The following PPARGC1B variants were observed in gnomAD, a reference collection of about 807,000 sequenced individuals.
The protein encoded by PPARGC1B is peroxisome proliferator-activated receptor gamma coactivator 1-beta.
Under a neutral mutation model 101.6 loss-of-function variants are expected in PPARGC1B, and 34 were observed. The observed-to-expected ratio is 0.33, with a 90% CI of 0.25 to 0.45. The LOEUF is 0.45. PPARGC1B is among the 20% of genes least tolerant of loss of function. PPARGC1B has a pLI of 1.00. For missense variants in PPARGC1B, 1,234 were observed against 1,317.6 expected (o/e 0.94, Z 0.98); for synonymous variants, 548 against 539.3 (o/e 1.02, Z -0.22).
chr5:149,730,401 A>G lies in PPARGC1B; in HGVS notation c.59A>G (p.Asn20Ser), dbSNP rs748122332. The change falls in exon 1 of 12, where the codon AAC becomes AGC. Residue 20 changes from asparagine to serine, a missense_variant. By Grantham distance (46) the Asn-to-Ser change is conservative. This residue lies in a region of PPARGC1B where 734 missense variants were observed against 768.4 expected (regional missense o/e 0.96). Transcript: ENST00000309241. The surrounding 1 kb of genome is among the most constrained non-coding windows in gnomAD (Gnocchi z 4.0). The part of the protein sequence containing the change: ...LDEELSSFFL[N>S]YLADTQGGGS... ...GAAGAGCTCTCCTCCTTCTTCCTCAACTATCTCGCTGACACGCAGGTACGG... is the reference window on the plus strand; with the variant it reads ...GAAGAGCTCTCCTCCTTCTTCCTCAGCTATCTCGCTGACACGCAGGTACGG... 55 of 1,568,548 alleles carry G rather than the reference A, an allele frequency of 3.5e-5. No individual in the cohort carries two copies. Among genetic ancestry groups the G allele is most frequent in the Non-Finnish European group, 4.6e-5 (53 of 1,159,878 alleles).
chr5:149,782,784 C>T (rs537733826), intron 1 of PPARGC1B, among the ~76,000 whole-genome samples: 10 of 152,308 alleles, frequency 6.6e-5, no homozygotes, highest in East Asian at 1.9e-4. Flanking sequence ...ATCACAGGGC[C>T]GCTGCTCTAG....
chr5:149,765,949 C>G (rs770668067), intron 1 of PPARGC1B, among the ~76,000 whole-genome samples: 1 of 151,384 alleles, frequency 6.6e-6, no homozygotes, highest in African/African-American at 2.4e-5. Context: ...ATTTAAAGTA[C>G]TTGACAATAC....
intron 3 of PPARGC1B, among the ~76,000 whole-genome samples, chr5:149,830,030 C>CAAAAAAAAAAAAAAAAAAAAAAA (rs60711433): frequency 5.8e-5 from 2 of 34,268 alleles, no homozygotes; most frequent in African/African-American, 8.8e-5. Flanking sequence ...GACTGCATCT[C>CAAAAAAAAAAAAAAAAAAAAAAA]AAAAAAAAAA....
At chr5:149,737,962 C>A (rs576640417) in intron 1 of PPARGC1B, among the ~76,000 whole-genome samples, 1 of 152,146 alleles carries the variant, frequency 6.6e-6, no homozygotes, top group African/African-American at 2.4e-5. Flanking sequence ...CTACTACACT[C>A]CAGCTTGGGT....
Position 149,775,684 on chromosome 5 carries a change from C to T in PPARGC1B, c.79-44749C>T, listed in dbSNP as rs1756332123. Among the ~76,000 whole-genome samples the T allele has an allele frequency of 2.7e-5, 4 of 148,216 alleles. No homozygotes were observed. The South Asian group carries it at 8.9e-4, about 33-fold the overall frequency. ...ATGCTGAGTCTGCAGCTAGGCATGC[C>T]TTGTGGTAGGGGCTTTGGCTAGTGA... is the stretch of plus-strand genomic sequence containing the variant. On this transcript the variant is annotated intron_variant, in intron 1 of 11. Coordinates refer to ENST00000309241, the MANE Select transcript of PPARGC1B (RefSeq NM_133263.4).
intron 1 of PPARGC1B, among the ~76,000 whole-genome samples, chr5:149,745,439 A>G (rs1561849239): frequency 6.6e-6 from 1 of 152,100 alleles, no homozygotes; most frequent in African/African-American, 2.4e-5. Context: ...GTAGGCCCTT[A>G]AGCTTCTCTG....
intron 8 of PPARGC1B, among the ~76,000 whole-genome samples, chr5:149,838,627 G>C (rs149036782): frequency 0.01 from 1,581 of 152,346 alleles, 27 homozygotes; most frequent in African/African-American, 0.036. Flanking sequence ...GCTCAGAGGT[G>C]TTTGGGCTGG....
At chr5:149,819,488 G>GTTTTTGTTTT (rs1188719361) in intron 1 of PPARGC1B, among the ~76,000 whole-genome samples, 1 of 137,244 alleles carries the variant, frequency 7.3e-6, no homozygotes, top group African/African-American at 2.8e-5. Context: ...TTGTTTGTTT[G>GTTTTTGTTTT]TTTTTGTTTT....
intron 1 of PPARGC1B, among the ~76,000 whole-genome samples, chr5:149,737,022 C>T (rs1425773433): frequency 1.3e-5 from 2 of 152,184 alleles, no homozygotes. Flanking sequence ...GGTAACATCA[C>T]ACAGAATAGT....
chr5:149,791,668 A>T (rs1757026407), intron 1 of PPARGC1B, among the ~76,000 whole-genome samples: 1 of 151,290 alleles, frequency 6.6e-6, no homozygotes, highest in South Asian at 2.1e-4. Flanking sequence ...CTGAGAGGGA[A>T]TTTTTTTGCT....
At chr5:149,821,621 C>T (rs1240105899) in intron 2 of PPARGC1B, among the ~76,000 whole-genome samples, 1 of 152,212 alleles carries the variant, frequency 6.6e-6, no homozygotes, top group African/African-American at 2.4e-5. Flanking sequence ...AATAACATCG[C>T]GTGTGCTGAA....
chr5:149,839,653 A>G (rs1377629102), intron 8 of PPARGC1B, among the ~76,000 whole-genome samples: 2 of 152,180 alleles, frequency 1.3e-5, no homozygotes. Context: ...CAGATTTTTC[A>G]TCTGGAAAAT....
chr5:149,847,320 CTCA>C, intron 11 of PPARGC1B, 135 bp from the exon 12 acceptor site: 1 of 784,474 alleles, frequency 1.3e-6, no homozygotes, highest in Non-Finnish European at 2.4e-6. Flanking sequence ...CAGTCCAGCG[CTCA>C]TCCCAGCTCC....
intron 1 of PPARGC1B, among the ~76,000 whole-genome samples, chr5:149,753,043 TG>T (rs1246075189): frequency 6.6e-6 from 1 of 152,186 alleles, no homozygotes; most frequent in East Asian, 1.9e-4. Context: ...TTTTATTTTT[TG>T]TTTTTTGCAC....
chr5:149,815,545 T>G (rs1280966168), intron 1 of PPARGC1B, among the ~76,000 whole-genome samples: 2 of 152,132 alleles, frequency 1.3e-5, no homozygotes, highest in Non-Finnish European at 2.9e-5. Flanking sequence ...CCTAATTTAT[T>G]TATTTATTTA....
chr5:149,815,839 G>A (rs955555797), intron 1 of PPARGC1B, among the ~76,000 whole-genome samples: 5 of 152,168 alleles, frequency 3.3e-5, no homozygotes, highest in African/African-American at 9.7e-5. Context: ...GAGCCACCGC[G>A]CCTGTTCCTA....
rs893319374 is a variant in PPARGC1B at position 149,850,152 on chromosome 5, T to G, written c.*2594T>G. 1.3e-5 allele frequency: 2 copies of G among 152,262 alleles called. No homozygotes were observed. Among genetic ancestry groups the G allele is most frequent in the African/African-American group, 4.8e-5 (2 of 41,462 alleles). 9.4% of individuals were successfully genotyped at this position (152,262 alleles called of 1,614,324 possible). A position where few individuals can be genotyped will look rare whatever the true frequency, so the allele number is the denominator to read the frequency against. ...TTTACTCCCTGGCACCCCGGTGTGC[T>G]GAAAGGAGTTGGTCCATATATGATC... On this transcript the variant is annotated 3_prime_UTR_variant, in exon 12 of 12. Coordinates refer to ENST00000309241, the MANE Select transcript of PPARGC1B (RefSeq NM_133263.4).
intron 1 of PPARGC1B, among the ~76,000 whole-genome samples, chr5:149,765,226 T>G (rs555135451): frequency 6.6e-6 from 1 of 152,254 alleles, no homozygotes; most frequent in African/African-American, 2.4e-5. Context: ...TGCCTGGGCA[T>G]GTAAGGCTCA....
At chr5:149,761,227 A>C (rs376903617) in intron 1 of PPARGC1B, among the ~76,000 whole-genome samples, 3 of 152,122 alleles carry the variant, frequency 2.0e-5, no homozygotes, top group African/African-American at 7.2e-5. Context: ...CACCTCACAC[A>C]GTTATCTTTG....
Sources: gnomAD v4.1 joint callset for allele counts (sites outside exome capture counted in the v4.1 genomes callset) on GRCh38, gnomAD v4.1.1 for gene constraint, gnomAD v4.1.1 regional missense constraint, Gnocchi (gnomAD v3.1) non-coding constraint, MANE v1.5 for transcripts, NCBI Gene and HGNC (gene_info 2026-07-23, HGNC 2026-07-21) for gene names.